MLPH: variants seen among roughly 807,000 people sequenced by gnomAD.
MLPH encodes melanophilin, also known as exophilin-3.
MLPH carries 51 observed loss-of-function variants against 72.1 expected under a neutral mutation model. That is an observed-to-expected ratio of 0.71 (90% confidence interval 0.56 to 0.89). The LOEUF (loss-of-function observed/expected upper bound fraction) is 0.89. MLPH is among the 40% of genes least tolerant of loss of function. The pLI, the probability that MLPH is intolerant of heterozygous loss-of-function variation, is 0.00. For synonymous variants in MLPH, 301 were observed against 310.1 expected, an observed-to-expected ratio of 0.97 and a Z score of 0.31; for missense variants, 743 against 759.9, an observed-to-expected ratio of 0.98 and a Z score of 0.26.
chr2:237,534,547 C>T lies in MLPH; in HGVS notation c.1021-17C>T, dbSNP rs536139108. 7 of 1,609,564 alleles carry T rather than the reference C, an allele frequency of 4.3e-6. No homozygotes were observed. The African/African-American group carries it at 9.4e-5, about 21-fold the overall frequency. On this transcript the variant is annotated splice_polypyrimidine_tract_variant and intron_variant, in intron 8 of 15. Coordinates refer to ENST00000264605, the MANE Select transcript of MLPH (RefSeq NM_024101.7). ...GCACTGGGTCCTCTGCCCACTGTTT[C>T]TCTCCTTCTGCTGCAGATCTTTGAG...
chr2:237,521,193 A>G (rs2080174397), intron 6 of MLPH, among the ~76,000 whole-genome samples: 1 of 152,006 alleles, frequency 6.6e-6, no homozygotes, highest in Admixed American at 6.5e-5. Flanking sequence ...AGGTTGTCCT[A>G]TTAGAGCGAA....
chr2:237,545,760 G>A (rs1339686819), intron 12 of MLPH: 2 of 797,408 alleles, frequency 2.5e-6, no homozygotes, highest in South Asian at 2.2e-5. Context: ...CCCAGATAGG[G>A]TCATGACGGA....
chr2:237,516,806 TGGATGGATGGATGGATGGATGGTA>T (rs2080030681), intron 4 of MLPH, among the ~76,000 whole-genome samples: 1 of 149,026 alleles, frequency 6.7e-6, no homozygotes, highest in South Asian at 2.2e-4. Context: ...GATGGATGGA[TGGATGGATGGATGGATGGATGGTA>T]GGATGGATGG....
chr2:237,549,681 C>A (rs2080993660), intron 14 of MLPH, among the ~76,000 whole-genome samples: 1 of 152,184 alleles, frequency 6.6e-6, no homozygotes, highest in Admixed American at 6.5e-5. Context: ...GCCTCCCCAG[C>A]ACGTGGCCGG....
chr2:237,488,547 C>T (rs912033378), intron 1 of MLPH, among the ~76,000 whole-genome samples: 1 of 152,198 alleles, frequency 6.6e-6, no homozygotes, highest in Non-Finnish European at 1.5e-5. Context: ...GGACCGTGCT[C>T]CTTAGTATCT....
At chr2:237,527,306 A>T in intron 7 of MLPH, 71 bp from the exon 8 acceptor site, 5 of 1,588,444 alleles carry the variant, frequency 3.1e-6, no homozygotes, top group Non-Finnish European at 3.5e-6. Flanking sequence ...ATTTTTCTTC[A>T]TTGGACTAAA....
At chr2:237,498,898 G>A (rs1430790273) in intron 2 of MLPH, among the ~76,000 whole-genome samples, 3 of 152,294 alleles carry the variant, frequency 2.0e-5, no homozygotes, top group African/African-American at 7.2e-5. Flanking sequence ...TAACACCCAT[G>A]TCCTATCCCA....
intron 4 of MLPH, among the ~76,000 whole-genome samples, chr2:237,514,446 A>G (rs1316439207): frequency 1.3e-5 from 2 of 152,172 alleles, no homozygotes; most frequent in Non-Finnish European, 2.9e-5. Flanking sequence ...GTAGAGGGAA[A>G]GAGTGATATT....
chr2:237,499,199 C>T (rs1432095302), intron 2 of MLPH, among the ~76,000 whole-genome samples: 3 of 152,066 alleles, frequency 2.0e-5, no homozygotes, highest in African/African-American at 7.3e-5. Flanking sequence ...CCTGACACCT[C>T]ATATTGATGA....
At chr2:237,507,931 CA>C (rs2079811228) in intron 2 of MLPH, among the ~76,000 whole-genome samples, 1 of 152,088 alleles carries the variant, frequency 6.6e-6, no homozygotes, top group South Asian at 2.1e-4. Context: ...AACAATTGCC[CA>C]ATCCTTTTAA....
At chr2:237,516,087 C>T (rs1430396797) in intron 4 of MLPH, among the ~76,000 whole-genome samples, 1 of 152,220 alleles carries the variant, frequency 6.6e-6, no homozygotes, top group Non-Finnish European at 1.5e-5. Context: ...ACCTGTGACC[C>T]GTGAGGCACA....
At chr2:237,518,759 G>C (rs536278164) in intron 5 of MLPH, 111 bp downstream of exon 5, 10 of 796,804 alleles carry the variant, frequency 1.3e-5, no homozygotes, top group Non-Finnish European at 2.2e-5. Context: ...AACTCCACTA[G>C]TTTCTACTGC....
At chr2:237,493,636 G>A in intron 2 of MLPH, 100 bp downstream of exon 2, 2 of 840,480 alleles carry the variant, frequency 2.4e-6, no homozygotes, top group Admixed American at 1.8e-5. Flanking sequence ...CCACGTGCAG[G>A]GTGAAGAGTG....
At chr2:237,546,721 A>C in intron 13 of MLPH, 38 bp downstream of exon 13, 1 of 1,561,148 alleles carries the variant, frequency 6.4e-7, no homozygotes, top group Non-Finnish European at 8.8e-7. Flanking sequence ...ACACCCGACA[A>C]AGGTGGAAGA....
chr2:237,542,684 GA>G, intron 12 of MLPH, 25 bp downstream of exon 12: 1 of 1,475,614 alleles, frequency 6.8e-7, no homozygotes, highest in Non-Finnish European at 9.2e-7. Flanking sequence ...GTGGTGAGTG[GA>G]GACAGTGCTG....
intron 2 of MLPH, among the ~76,000 whole-genome samples, chr2:237,507,051 C>CT (rs1242812118): frequency 0.012 from 1,428 of 119,296 alleles, 25 homozygotes; most frequent in African/African-American, 0.041. Flanking sequence ...TTTCCTTTTT[C>CT]TTTTTTTTTT....
intron 1 of MLPH, among the ~76,000 whole-genome samples, chr2:237,492,057 C>T (rs932867945): frequency 1.3e-5 from 2 of 152,180 alleles, no homozygotes; most frequent in Non-Finnish European, 2.9e-5. Flanking sequence ...ATGAGTAGGT[C>T]TGGGTTGGAG....
chr2:237,519,927 C>T lies in MLPH; in HGVS notation c.573C>T (p.Ser191=), dbSNP rs775973418. 8 of 1,614,010 alleles carry T rather than the reference C, an allele frequency of 5.0e-6. No homozygotes were observed. The highest frequency in any genetic ancestry group is 1.6e-4 in the Middle Eastern group (1 of 6,062). The change falls in exon 6 of 16, where the codon TCC becomes TCT. Residue 191 remains serine, a synonymous_variant. Coordinates refer to ENST00000264605, the MANE Select transcript of MLPH (RefSeq NM_024101.7). ...CTGCTAAGAAAAAGCGCCTCCTCTCCGTCCACGACTTCGACTTCGAGGGAG... is the reference window on the plus strand; with the variant it reads ...CTGCTAAGAAAAAGCGCCTCCTCTCTGTCCACGACTTCGACTTCGAGGGAG... ...PFGSKKKRLL[S]VHDFDFEGDS... is the part of the protein sequence containing the mutation.
At chr2:237,520,708 A>C (rs1167913420) in intron 6 of MLPH, among the ~76,000 whole-genome samples, 3 of 152,032 alleles carry the variant, frequency 2.0e-5, no homozygotes, top group Non-Finnish European at 4.4e-5. Context: ...ATTAGAAGGG[A>C]TGGGATAAAA....
Sources: gnomAD v4.1 joint callset for allele counts (sites outside exome capture counted in the v4.1 genomes callset) on GRCh38, gnomAD v4.1.1 for gene constraint, MANE v1.5 for transcripts, NCBI Gene and HGNC (gene_info 2026-07-23, HGNC 2026-07-21) for gene names.